The following FBXO17 variants were observed in gnomAD, a reference collection of about 807,000 sequenced individuals.
FBXO17 encodes the protein F-box protein 17, also known as F-box only protein 17.
A neutral mutation model predicts 34.1 loss-of-function variants in FBXO17; 43 were observed. That is an observed-to-expected ratio of 1.26 (90% CI 0.99 to 1.62). The LOEUF (loss-of-function observed/expected upper bound fraction) is 1.62. FBXO17 is among the 40% of genes most tolerant of loss of function. FBXO17 has a pLI of 0.00. For missense variants in FBXO17, 424 were observed against 386.7 expected, an observed-to-expected ratio of 1.10 and a Z score of -0.81; for synonymous variants, 169 against 166.0, an observed-to-expected ratio of 1.02 and a Z score of -0.14.
intron 1 of FBXO17, among the ~76,000 whole-genome samples, chr19:38,967,952 A>AG (rs1237658641): frequency 1.3e-5 from 2 of 152,172 alleles, no homozygotes; most frequent in African/African-American, 4.8e-5. Flanking sequence ...TGACAGGTGT[A>AG]GTCGAGGATA....
intron 1 of FBXO17, among the ~76,000 whole-genome samples, chr19:38,952,227 G>A (rs758303101): frequency 1.3e-5 from 2 of 151,464 alleles, no homozygotes; most frequent in Non-Finnish European, 2.9e-5. Context: ...GATTTCAGGC[G>A]TGAGCCACCA....
chr19:38,948,794 C>T (rs1975027142), intron 2 of FBXO17, 116 bp from the exon 3 acceptor site: 1 of 775,340 alleles, frequency 1.3e-6, no homozygotes, highest in South Asian at 1.7e-5. Flanking sequence ...TCCAATCCTC[C>T]CTGGTTTCTC....
In FBXO17 at chr19:38,950,103, CGCGGCCCTCGGCGCT is replaced by C. The variant is rs769222751; in HGVS notation, c.202_216del (p.Ser68_Arg72del). The C allele has an allele frequency of 2.1e-5, 33 of 1,563,190 alleles. No homozygotes were observed. Among genetic ancestry groups the C allele is most frequent in the Non-Finnish European group, 2.8e-5 (32 of 1,156,762 alleles). On this transcript the variant is annotated inframe_deletion, in exon 2 of 6. Coordinates refer to ENST00000292852, the MANE Select transcript of FBXO17 (RefSeq NM_024907.7). ...CAGCGTTGAGCCACTGCGTAGAGTGCGCGGCCCTCGGCGCTGCGGTCGCGGGCCAGCTGCAGCAGC... is the reference window on the plus strand; with the variant it reads ...CAGCGTTGAGCCACTGCGTAGAGTGCGCGGTCGCGGGCCAGCTGCAGCAGC...
Position 38,954,241 on chromosome 19 carries a change from A to T in FBXO17, c.-17-3905T>A, listed in dbSNP as rs368196010. 2.4e-3 allele frequency among the ~76,000 whole-genome samples: 368 copies of T among 152,230 alleles called. 1 individual carries two copies. Among genetic ancestry groups the T allele is most frequent in the African/African-American group, 8.6e-3 (358 of 41,536 alleles). ...CATGCAGGAGGAAGCCAAAGTGGGCAAGGGTGTGTGCAGAGAATGTGTTAT... is the reference window on the plus strand; with the variant it reads ...CATGCAGGAGGAAGCCAAAGTGGGCTAGGGTGTGTGCAGAGAATGTGTTAT... On this transcript the variant is annotated intron_variant, in intron 1 of 5. Transcript: ENST00000292852.
chr19:38,952,641 T>C, intron 1 of FBXO17: 1 of 534,222 alleles, frequency 1.9e-6, no homozygotes. Context: ...AGCTCTGGGC[T>C]CACGGCCGCT....
intron 1 of FBXO17, among the ~76,000 whole-genome samples, chr19:38,969,961 C>A (rs1237330937): frequency 1.3e-5 from 2 of 152,080 alleles, no homozygotes; most frequent in East Asian, 1.9e-4. Context: ...AGCAACTCCA[C>A]CCCAGAGCCA....
At chr19:38,950,746 A>T (rs748129643) in intron 1 of FBXO17, among the ~76,000 whole-genome samples, 5 of 152,216 alleles carry the variant, frequency 3.3e-5, no homozygotes, top group African/African-American at 4.8e-5. Flanking sequence ...AGTTTTTAAA[A>T]CTAACTCTGG....
chr19:38,968,960 G>T (rs1000445260), intron 1 of FBXO17, among the ~76,000 whole-genome samples: 1 of 152,068 alleles, frequency 6.6e-6, no homozygotes, highest in East Asian at 1.9e-4. Context: ...TGTTACGGTG[G>T]TGATGGTTGC....
Position 38,942,494 on chromosome 19 carries a change from T to A in FBXO17, c.*114A>T. 8.9e-7 allele frequency: 1 copy of A among 1,128,716 alleles called. No individual in the cohort carries two copies. The highest frequency in any genetic ancestry group is 1.2e-6 in the Non-Finnish European group (1 of 841,234). 69.9% of individuals were successfully genotyped at this position (1,128,716 alleles called of 1,614,324 possible). A position where few individuals can be genotyped will look rare whatever the true frequency, so the allele number is the denominator to read the frequency against. On this transcript the variant is annotated 3_prime_UTR_variant, in exon 6 of 6. Coordinates refer to ENST00000292852, the MANE Select transcript of FBXO17 (RefSeq NM_024907.7). ...CCAGGCTGGTCTTGAACTCCCGAGCTCCAGTGATCCTCCCACCTCGGCCTC... is the reference window on the plus strand; with the variant it reads ...CCAGGCTGGTCTTGAACTCCCGAGCACCAGTGATCCTCCCACCTCGGCCTC...
At chr19:38,969,134 G>A (rs1440141584) in intron 1 of FBXO17, among the ~76,000 whole-genome samples, 1 of 152,134 alleles carries the variant, frequency 6.6e-6, no homozygotes, top group African/African-American at 2.4e-5. Context: ...GACTGTAGAT[G>A]TTTCCACCTT....
intron 1 of FBXO17, among the ~76,000 whole-genome samples, chr19:38,956,066 G>A (rs1433603190): frequency 6.6e-6 from 1 of 151,998 alleles, no homozygotes; most frequent in Non-Finnish European, 1.5e-5. Flanking sequence ...GGGAGTTCAA[G>A]ACCAGCCTGG....
intron 1 of FBXO17, chr19:38,952,829 ACACT>A: frequency 2.2e-6 from 1 of 456,662 alleles, no homozygotes; most frequent in Non-Finnish European, 4.4e-6. Flanking sequence ...CCTCAATCTC[ACACT>A]CACTCTCCAC....
At chr19:38,952,158 G>A (rs1362166265) in intron 1 of FBXO17, among the ~76,000 whole-genome samples, 1 of 151,940 alleles carries the variant, frequency 6.6e-6, no homozygotes, top group African/African-American at 2.4e-5. Flanking sequence ...ATGTTAGCCG[G>A]CTGGTCTCAA....
intron 1 of FBXO17, among the ~76,000 whole-genome samples, chr19:38,957,430 T>G (rs2144828271): frequency 6.6e-6 from 1 of 150,564 alleles, no homozygotes; most frequent in East Asian, 2.0e-4. Flanking sequence ...CACTGCAACC[T>G]CCGCCTCCCG....
chr19:38,949,886 CAT>C (rs1975046793), intron 2 of FBXO17, 83 bp downstream of exon 2: 1 of 1,406,108 alleles, frequency 7.1e-7, no homozygotes, highest in African/African-American at 1.5e-5. Context: ...CCATTGGCTA[CAT>C]CTCTCAGACT....
chr19:38,968,841 G>C (rs1975354051), intron 1 of FBXO17, among the ~76,000 whole-genome samples: 2 of 152,172 alleles, frequency 1.3e-5, no homozygotes, highest in South Asian at 4.1e-4. Context: ...GACCAGAAAA[G>C]ACAAATCTTT....
chr19:38,963,731 A>G (rs956600414), intron 1 of FBXO17, among the ~76,000 whole-genome samples: 1 of 152,074 alleles, frequency 6.6e-6, no homozygotes, highest in African/African-American at 2.4e-5. Context: ...GGGTATTATG[A>G]ATAAGGCTGC....
intron 1 of FBXO17, among the ~76,000 whole-genome samples, chr19:38,966,426 C>G (rs1183915770): frequency 1.3e-5 from 2 of 151,956 alleles, no homozygotes; most frequent in African/African-American, 2.4e-5. Flanking sequence ...GCCTCAGCCA[C>G]CGAGCCTGGC....
intron 1 of FBXO17, among the ~76,000 whole-genome samples, chr19:38,971,655 T>C (rs921419719): frequency 2.6e-5 from 4 of 151,858 alleles, no homozygotes; most frequent in African/African-American, 9.7e-5. Context: ...GGCATGGTGG[T>C]GTGCACTTGT....
Sources: allele counts gnomAD v4.1 joint callset (sites outside exome capture counted in the v4.1 genomes callset), GRCh38; gene constraint gnomAD v4.1.1; transcripts MANE v1.5; gene names NCBI Gene and HGNC (gene_info 2026-07-23, HGNC 2026-07-21).